DSG1: variants seen among roughly 807,000 people sequenced by gnomAD.
DSG1 encodes desmoglein 1, also known as desmoglein-1.
In DSG1, 39 loss-of-function variants were observed where a neutral mutation model predicts 97.5. The observed-to-expected ratio is 0.40, with a 90% CI of 0.31 to 0.52. The LOEUF (loss-of-function observed/expected upper bound fraction) is 0.52, where lower values mean the gene tolerates loss of function less well. Among genes scored for constraint, DSG1 ranks in the 20% least tolerant of loss-of-function variants. The pLI is 0.53. For synonymous variants in DSG1, 475 were observed against 443.4 expected (o/e 1.07, Z -0.90); for missense variants, 1,311 against 1,295.4 (o/e 1.01, Z -0.18).
intron 14 of DSG1, among the ~76,000 whole-genome samples, chr18:31,350,658 T>C (rs976764038): frequency 1.4e-5 from 2 of 146,870 alleles, no homozygotes; most frequent in African/African-American, 2.6e-5. Context: ...CTGTTATTGG[T>C]CTATTCAGAG....
At chr18:31,333,829 C>T in intron 7 of DSG1, 106 bp downstream of exon 7, 2 of 1,389,050 alleles carry the variant, frequency 1.4e-6, no homozygotes, top group South Asian at 1.2e-5. Flanking sequence ...TGACATACAA[C>T]CCAAATGTAG....
intron 11 of DSG1, among the ~76,000 whole-genome samples, chr18:31,342,898 ATTTT>A (rs57090132): frequency 6.0e-5 from 5 of 82,796 alleles, no homozygotes; most frequent in Non-Finnish European, 9.8e-5. Context: ...ACTATCTGTG[ATTTT>A]TTTTTTTTTT....
chr18:31,327,827 A>G (rs2071695827), intron 3 of DSG1, among the ~76,000 whole-genome samples: 1 of 152,192 alleles, frequency 6.6e-6, no homozygotes. Context: ...GAGGGCAAAG[A>G]GTTTCCTTCT....
At chr18:31,321,663 C>G (rs2071654938) in intron 1 of DSG1, among the ~76,000 whole-genome samples, 1 of 152,176 alleles carries the variant, frequency 6.6e-6, no homozygotes, top group Admixed American at 6.5e-5. Flanking sequence ...AACATTTTGT[C>G]ATCCCTGTTT....
intron 11 of DSG1, among the ~76,000 whole-genome samples, chr18:31,342,982 G>A (rs1344578604): frequency 6.7e-6 from 1 of 149,164 alleles, no homozygotes; most frequent in Non-Finnish European, 1.5e-5. Context: ...CCACCTCCCT[G>A]GTTGAGCAGC....
At chr18:31,324,473 T>A (rs2071673994) in intron 1 of DSG1, among the ~76,000 whole-genome samples, 2 of 152,178 alleles carry the variant, frequency 1.3e-5, no homozygotes, top group South Asian at 2.1e-4. Flanking sequence ...CATATCCAGC[T>A]TGAACTTTTG....
intron 11 of DSG1, among the ~76,000 whole-genome samples, chr18:31,341,689 G>A (rs757446447): frequency 6.6e-6 from 1 of 152,080 alleles, no homozygotes; most frequent in Non-Finnish European, 1.5e-5. Context: ...TCATCAAAAT[G>A]AACCAAGACA....
At chr18:31,341,014 A>C (rs1446536773) in intron 11 of DSG1, among the ~76,000 whole-genome samples, 1 of 152,214 alleles carries the variant, frequency 6.6e-6, no homozygotes, top group Non-Finnish European at 1.5e-5. Flanking sequence ...CCACACATGA[A>C]GCATTTAGCA....
chr18:31,322,030 TAGAC>T (rs1472276568), intron 1 of DSG1, among the ~76,000 whole-genome samples: 1 of 152,228 alleles, frequency 6.6e-6, no homozygotes, highest in African/African-American at 2.4e-5. Context: ...TCAATAGACT[TAGAC>T]AGATCAAATT....
chr18:31,336,541 T>A lies in DSG1; in HGVS notation c.1193T>A (p.Met398Lys), dbSNP rs754188744. ...GSKTYVVTGN[M>K]GSNDKVGDFV... ...AAGACATATGTTGTAACTGGTAATA[T>A]GGGATCAAATGATAAAGTGGGAGAC... Residue 398 changes from methionine (M) to lysine (K), a missense_variant, in exon 9 of 15, where the codon ATG becomes AAG. Around this residue, in one of 3 missense-constraint regions of DSG1, gnomAD observed 1,038 missense variants for 964.6 expected, o/e 1.08. Coordinates refer to ENST00000257192, the MANE Select transcript of DSG1 (RefSeq NM_001942.4). 1.2e-6 allele frequency: 2 copies of A among 1,614,040 alleles called. No homozygotes were observed. The highest frequency in any genetic ancestry group is 1.7e-6 in the Non-Finnish European group (2 of 1,179,940).
At chr18:31,344,168 A>G (rs545276164) in intron 13 of DSG1, among the ~76,000 whole-genome samples, 173 bp downstream of exon 13, 67 of 152,186 alleles carry the variant, frequency 4.4e-4, no homozygotes, top group Non-Finnish European at 8.7e-4. Flanking sequence ...GGTAATTATT[A>G]TTGTTATATG....
chr18:31,346,504 A>G (rs547140605), intron 14 of DSG1, among the ~76,000 whole-genome samples: 1 of 151,972 alleles, frequency 6.6e-6, no homozygotes, highest in Non-Finnish European at 1.5e-5. Flanking sequence ...CTTATCTCCA[A>G]TTACTCCTTG....
At position 31,331,857 on chromosome 18, in the gene DSG1, T is replaced by C. The variant is rs1199993076; in HGVS notation, c.674T>C (p.Leu225Pro). 1 of 1,612,098 alleles carries C rather than the reference T, an allele frequency of 6.2e-7. No homozygotes were observed. Among genetic ancestry groups the C allele is most frequent in the East Asian group, 2.2e-5 (1 of 44,742 alleles). Reference protein sequence around the residue: ...TGEIRTMNNFLDREQYGQYAL... With the variant: ...TGEIRTMNNFPDREQYGQYAL... ...GAAATTCGAACGATGAATAATTTTC[T>C]AGACAGAGAGGTAATTCTTTTTCTT... Residue 225 changes from leucine to proline, a missense_variant, in exon 6 of 15, where the codon CTA becomes CCA. Physicochemically the swap from Leu to Pro is moderately conservative, Grantham distance 98. Transcript: ENST00000257192.
intron 4 of DSG1, 47 bp from the exon 5 acceptor site, chr18:31,329,845 A>G (rs371199924): frequency 6.2e-7 from 1 of 1,603,318 alleles, no homozygotes. Context: ...GTAAGAACTT[A>G]ATAAATCTGT....
At chr18:31,341,942 T>C (rs2071791885) in intron 11 of DSG1, among the ~76,000 whole-genome samples, 1 of 113,492 alleles carries the variant, frequency 8.8e-6, no homozygotes. Flanking sequence ...TTTTGTTTTT[T>C]TGTTTTTTTT....
At chr18:31,340,081 A>T (rs2071779693) in intron 11 of DSG1, 56 bp downstream of exon 11, 1 of 1,531,700 alleles carries the variant, frequency 6.5e-7, no homozygotes, top group African/African-American at 1.4e-5. Context: ...CTGGGGGAGG[A>T]GTTAAGTTTT....
Position 31,354,652 on chromosome 18 carries a change from G to A in DSG1, c.2456G>A (p.Gly819Asp). The change falls in exon 15 of 15, where the codon GGT (glycine) becomes GAT (aspartate). Residue 819 changes from glycine (G) to aspartate (D), a missense_variant. By Grantham distance (94) the Gly-to-Asp change is moderately conservative. This residue lies in a region of DSG1 where 1,038 missense variants were observed against 964.6 expected (regional missense o/e 1.08). Coordinates refer to ENST00000257192, the MANE Select transcript of DSG1 (RefSeq NM_001942.4). The stretch of plus-strand genomic sequence containing the variant: ...GAGAGCACCTATCCCTCGGGACCTG[G>A]TGTACTGCATCCTAAGCCTATTCTC... ...ISESTYPSGP[G>D]VLHPKPILDP... The A allele has an allele frequency of 6.2e-7, 1 of 1,614,134 alleles. No homozygotes were observed. Among genetic ancestry groups the A allele is most frequent in the Non-Finnish European group, 8.5e-7 (1 of 1,180,018 alleles).
At chr18:31,327,028 A>G (rs763261979) in intron 3 of DSG1, 23 bp downstream of exon 3, 154 of 1,613,336 alleles carry the variant, frequency 9.5e-5, no homozygotes, top group Non-Finnish European at 1.3e-4. Flanking sequence ...TCCAAAGCAT[A>G]ACATTGAAAA....
rs1211800700 is a variant in DSG1, at chr18:31,355,930, C to A, written c.*584C>A. On this transcript the variant is annotated 3_prime_UTR_variant, in exon 15 of 15. Coordinates refer to ENST00000257192, the MANE Select transcript of DSG1 (RefSeq NM_001942.4). ...ATAAATTCCAAATTAGGAAGTGTTTCCTAGGAGGAAAATTCCATTAGAGAG... is the reference window on the plus strand; with the variant it reads ...ATAAATTCCAAATTAGGAAGTGTTTACTAGGAGGAAAATTCCATTAGAGAG... 6.5e-6 allele frequency: 1 copy of A among 153,516 alleles called. No homozygotes were observed. Among genetic ancestry groups the A allele is most frequent in the Non-Finnish European group, 1.4e-5 (1 of 69,076 alleles). 9.5% of individuals were successfully genotyped at this position (153,516 alleles called of 1,614,324 possible).
Sources: allele counts gnomAD v4.1 joint callset (sites outside exome capture counted in the v4.1 genomes callset), GRCh38; gene constraint gnomAD v4.1.1; regional missense constraint gnomAD v4.1.1; transcripts MANE v1.5; gene names NCBI Gene and HGNC (gene_info 2026-07-23, HGNC 2026-07-21).